PVT1: variants seen among roughly 807,000 people sequenced by gnomAD.
PVT1 encodes Pvt1 oncogene.
chr8:127,822,743 C>T (rs572729581), intron 2 of PVT1, among the ~76,000 whole-genome samples: 8 of 152,132 alleles, frequency 5.3e-5, no homozygotes, highest in Non-Finnish European at 7.4e-5. Flanking sequence ...ACATTGTGGG[C>T]GGGAGAAACA....
At chr8:128,077,139 G>A (rs991165453) in intron 5 of PVT1, among the ~76,000 whole-genome samples, 3 of 152,236 alleles carry the variant, frequency 2.0e-5, no homozygotes, top group African/African-American at 7.2e-5. Flanking sequence ...CAGACTCAAT[G>A]TGGTTCTGAA....
chr8:127,841,693 G>A (rs1271955439), intron 2 of PVT1, among the ~76,000 whole-genome samples: 1 of 151,880 alleles, frequency 6.6e-6, no homozygotes, highest in Admixed American at 6.6e-5. Flanking sequence ...GCAATTTTGT[G>A]CCTCATCATC....
At chr8:127,954,439 C>T (rs141020753) in intron 3 of PVT1, among the ~76,000 whole-genome samples, 6 of 152,078 alleles carry the variant, frequency 3.9e-5, no homozygotes, top group African/African-American at 9.6e-5. Context: ...GGACTACAGG[C>T]ACGCACCACC....
chr8:127,804,734 T>C (rs1238568392), intron 2 of PVT1, among the ~76,000 whole-genome samples: 2 of 150,884 alleles, frequency 1.3e-5, no homozygotes, highest in Non-Finnish European at 3.0e-5. Context: ...TTTTTTTGTA[T>C]TTTTAGTTCA....
At chr8:128,043,773 T>TAC (rs112991135) in intron 4 of PVT1, among the ~76,000 whole-genome samples, 11,682 of 140,664 alleles carry the variant, frequency 0.083, 591 homozygotes, top group East Asian at 0.17. Flanking sequence ...AACTATTTCC[T>TAC]ACACACACAC....
chr8:128,018,291 G>A (rs769217577), intron 4 of PVT1, among the ~76,000 whole-genome samples: 11 of 152,228 alleles, frequency 7.2e-5, no homozygotes, highest in Non-Finnish European at 1.5e-4. Context: ...CAGGTCAGCA[G>A]TCATGTCATG....
chr8:127,994,156 C>G (rs115129930), intron 4 of PVT1, among the ~76,000 whole-genome samples: 2,258 of 152,324 alleles, frequency 0.015, 58 homozygotes, highest in African/African-American at 0.052. Flanking sequence ...TCCTTCTCCA[C>G]CATTGTCCTC....
intron 2 of PVT1, among the ~76,000 whole-genome samples, chr8:127,883,388 C>T (rs906118452): frequency 6.6e-6 from 1 of 152,086 alleles, no homozygotes; most frequent in African/African-American, 2.4e-5. Context: ...ATAGACGCAG[C>T]CTGTTTTTCG....
intron 5 of PVT1, among the ~76,000 whole-genome samples, chr8:128,076,418 G>A (rs143258325): frequency 6.3e-4 from 96 of 152,246 alleles, no homozygotes; most frequent in African/African-American, 2.1e-3. Flanking sequence ...GAGCCCATGA[G>A]TGGCAAGGAA....
intron 3 of PVT1, among the ~76,000 whole-genome samples, chr8:127,979,981 G>A (rs1416091103): frequency 6.9e-6 from 1 of 144,068 alleles, no homozygotes; most frequent in Non-Finnish European, 1.6e-5. Context: ...CTGGGCTCAG[G>A]CGATCCTTCC....
At chr8:128,022,033 CAG>C (rs201921302) in intron 4 of PVT1, among the ~76,000 whole-genome samples, 1,994 of 152,300 alleles carry the variant, frequency 0.013, 22 homozygotes, top group Middle Eastern at 0.058. Context: ...GCCTGGGCCA[CAG>C]AGCGAGACTC....
intron 6 of PVT1, among the ~76,000 whole-genome samples, chr8:128,097,161 G>C (rs987169680): frequency 6.6e-6 from 1 of 152,220 alleles, no homozygotes; most frequent in East Asian, 1.9e-4. Flanking sequence ...AGAAGTTCGA[G>C]ACCAGCCTGG....
At chr8:127,864,327 T>C (rs1205782958) in intron 2 of PVT1, among the ~76,000 whole-genome samples, 1 of 152,122 alleles carries the variant, frequency 6.6e-6, no homozygotes, top group Non-Finnish European at 1.5e-5. Context: ...TGCATGAGTC[T>C]GGGCATGCTT....
intron 3 of PVT1, among the ~76,000 whole-genome samples, chr8:127,970,146 G>C (rs995823210): frequency 6.6e-6 from 1 of 152,136 alleles, no homozygotes; most frequent in East Asian, 1.9e-4. Context: ...GTGCATCCAG[G>C]CATGTGGCTT....
intron 4 of PVT1, among the ~76,000 whole-genome samples, chr8:128,028,582 C>T (rs1813348312): frequency 6.6e-6 from 1 of 152,210 alleles, no homozygotes; most frequent in Non-Finnish European, 1.5e-5. Context: ...CTCACTCTGC[C>T]ATCTCTAGCT....
intron 4 of PVT1, among the ~76,000 whole-genome samples, chr8:128,056,610 G>GA (rs1813765485): frequency 6.6e-6 from 1 of 152,050 alleles, no homozygotes; most frequent in African/African-American, 2.4e-5. Flanking sequence ...TGTTGAACTG[G>GA]GACCTCCCGA....
chr8:127,985,022 C>CTTCT (rs1816946909), intron 3 of PVT1, among the ~76,000 whole-genome samples: 1 of 136,792 alleles, frequency 7.3e-6, no homozygotes, highest in Non-Finnish European at 1.6e-5. Context: ...TCCTTCCTTC[C>CTTCT]TTCCTTCCTT....
chr8:128,099,936 T>A (rs1170756315), intron 6 of PVT1: 1 of 152,214 alleles, frequency 6.6e-6, no homozygotes, highest in Non-Finnish European at 1.5e-5. Flanking sequence ...AGTTACGTTA[T>A]AAGTGTCTTA....
At chr8:127,999,452 C>T (rs888131067) in intron 4 of PVT1, among the ~76,000 whole-genome samples, 1 of 150,874 alleles carries the variant, frequency 6.6e-6, no homozygotes, top group Non-Finnish European at 1.5e-5. Flanking sequence ...TAATTCATTA[C>T]CACATTTCAC....
Sources: gnomAD v4.1 joint callset for allele counts (sites outside exome capture counted in the v4.1 genomes callset) on GRCh38, gnomAD v4.1.1 for gene constraint, MANE v1.5 for transcripts, NCBI Gene and HGNC (gene_info 2026-07-23, HGNC 2026-07-21) for gene names.